GALNT13: variants seen among roughly 807,000 people sequenced by gnomAD.
GALNT13 encodes UDP-GalNAc:polypeptide N-acetylgalactosaminyltransferase 13.
Under a neutral mutation model 64.2 loss-of-function variants are expected in GALNT13, and 28 were observed. The ratio of observed to expected loss-of-function variants is 0.44; its 90% confidence interval spans 0.32 to 0.60. The LOEUF (loss-of-function observed/expected upper bound fraction) is 0.60, where lower values mean the gene tolerates loss of function less well. GALNT13 is among the 20% of genes least tolerant of loss of function. GALNT13 has a pLI of 0.05. For missense variants in GALNT13, 577 were observed against 669.8 expected, an observed-to-expected ratio of 0.86 and a Z score of 1.53; for synonymous variants, 214 against 224.6, an observed-to-expected ratio of 0.95 and a Z score of 0.42.
At chr2:153,406,639 C>T in the GALNT13 span, among the ~76,000 whole-genome samples, 14 of 152,246 alleles carry the variant, frequency 9.2e-5, no homozygotes, top group Admixed American at 2.0e-4. Flanking sequence ...AACTCCTGGC[C>T]TCAAGTGTTC....
chr2:153,558,442 C>T, the GALNT13 span, among the ~76,000 whole-genome samples: 1 of 152,162 alleles, frequency 6.6e-6, no homozygotes, highest in African/African-American at 2.4e-5. Flanking sequence ...AATAGCCCCT[C>T]CAGCGGTATC....
At chr2:154,025,723 A>T (rs188043629) in intron 3 of GALNT13, among the ~76,000 whole-genome samples, 1 of 152,302 alleles carries the variant, frequency 6.6e-6, no homozygotes, top group East Asian at 1.9e-4. Flanking sequence ...GACACAACTA[A>T]CCAGGAAGAT....
chr2:153,352,297 T>C, the GALNT13 span, among the ~76,000 whole-genome samples: 13 of 152,288 alleles, frequency 8.5e-5, no homozygotes, highest in African/African-American at 3.1e-4. Flanking sequence ...TATTTTTAAA[T>C]TGAGTTGTTT....
At chr2:153,892,404 T>G (rs1687612712) in intron 1 of GALNT13, among the ~76,000 whole-genome samples, 1 of 152,032 alleles carries the variant, frequency 6.6e-6, no homozygotes, top group Non-Finnish European at 1.5e-5. Flanking sequence ...CTCTACAAGT[T>G]TATAAAAATC....
the GALNT13 span, among the ~76,000 whole-genome samples, chr2:153,603,423 G>A: frequency 6.6e-6 from 1 of 151,818 alleles, no homozygotes; most frequent in Non-Finnish European, 1.5e-5. Flanking sequence ...GATTCATTCT[G>A]GAACAGATAC....
intron 12 of GALNT13, among the ~76,000 whole-genome samples, chr2:154,443,541 T>C (rs1701411929): frequency 6.6e-6 from 1 of 152,044 alleles, no homozygotes; most frequent in Admixed American, 6.6e-5. Context: ...ATACCAACTT[T>C]TAAACTGAGA....
chr2:153,490,551 T>C, the GALNT13 span, among the ~76,000 whole-genome samples: 564 of 152,266 alleles, frequency 3.7e-3, 4 homozygotes, highest in Non-Finnish European at 4.5e-3. Flanking sequence ...GGCTAATTTT[T>C]GTATTTTTAA....
chr2:154,035,641 C>G (rs1698617421), intron 3 of GALNT13, among the ~76,000 whole-genome samples: 2 of 151,992 alleles, frequency 1.3e-5, no homozygotes, highest in Non-Finnish European at 2.9e-5. Context: ...ATTTTCATCA[C>G]TTTGTTATTT....
intron 3 of GALNT13, among the ~76,000 whole-genome samples, chr2:153,982,987 G>A (rs1204964687): frequency 6.6e-6 from 1 of 151,922 alleles, no homozygotes; most frequent in East Asian, 1.9e-4. Flanking sequence ...TTTTCTTAAT[G>A]TATTGAAACA....
intron 8 of GALNT13, among the ~76,000 whole-genome samples, chr2:154,259,878 GTTA>G (rs1690594635): frequency 6.6e-6 from 1 of 151,570 alleles, no homozygotes; most frequent in Non-Finnish European, 1.5e-5. Context: ...AGTGTTTTTT[GTTA>G]TTGTTGTTGT....
At chr2:154,113,138 G>A (rs1029124359) in intron 3 of GALNT13, among the ~76,000 whole-genome samples, 1 of 152,180 alleles carries the variant, frequency 6.6e-6, no homozygotes, top group Non-Finnish European at 1.5e-5. Flanking sequence ...GTCTAGAGCT[G>A]TCTCTCAAAA....
the GALNT13 span, among the ~76,000 whole-genome samples, chr2:153,474,291 C>A: frequency 6.6e-6 from 1 of 152,162 alleles, no homozygotes; most frequent in Non-Finnish European, 1.5e-5. Context: ...TTTTAGGGAT[C>A]AGGCCATTCA....
intron 8 of GALNT13, among the ~76,000 whole-genome samples, chr2:154,272,919 A>G (rs550037912): frequency 2.6e-5 from 4 of 152,316 alleles, no homozygotes; most frequent in African/African-American, 4.8e-5. Flanking sequence ...AATTTTAAAA[A>G]GCATTTATAC....
chr2:153,826,045 T>A, the GALNT13 span, among the ~76,000 whole-genome samples: 1 of 152,148 alleles, frequency 6.6e-6, no homozygotes, highest in African/African-American at 2.4e-5. Context: ...TATCCCCATC[T>A]CTTTCATTAG....
upstream of GALNT13, among the ~76,000 whole-genome samples, chr2:153,869,100 T>G (rs967976602): frequency 6.6e-6 from 1 of 152,186 alleles, no homozygotes; most frequent in Admixed American, 6.5e-5. Flanking sequence ...ATTCTCTCTA[T>G]AGGTATTTCT....
intron 3 of GALNT13, among the ~76,000 whole-genome samples, chr2:154,050,147 G>C (rs1030834579): frequency 2.0e-5 from 3 of 152,128 alleles, no homozygotes; most frequent in Admixed American, 6.5e-5. Context: ...GAGAGAAAGA[G>C]AAACAAGGGA....
chr2:153,997,083 T>C (rs1265729758), intron 3 of GALNT13, among the ~76,000 whole-genome samples: 1 of 152,136 alleles, frequency 6.6e-6, no homozygotes, highest in Admixed American at 6.6e-5. Context: ...GGGTTTGTGG[T>C]ATATTTTGAA....
the GALNT13 span, among the ~76,000 whole-genome samples, chr2:153,401,561 A>T: frequency 6.7e-6 from 1 of 150,180 alleles, no homozygotes; most frequent in East Asian, 1.9e-4. Flanking sequence ...GTGGGAGTCT[A>T]AGTCTCTTTG....
the GALNT13 span, among the ~76,000 whole-genome samples, chr2:153,434,774 T>A: frequency 6.6e-6 from 1 of 152,330 alleles, no homozygotes; most frequent in African/African-American, 2.4e-5. Flanking sequence ...TCCCATTTTG[T>A]AGGTTGCCTG....
Sources: allele counts gnomAD v4.1 joint callset (sites outside exome capture counted in the v4.1 genomes callset), GRCh38; gene constraint gnomAD v4.1.1; transcripts MANE v1.5; gene names NCBI Gene and HGNC (gene_info 2026-07-23, HGNC 2026-07-21).